The following TLE3 variants were observed in gnomAD, a reference collection of about 807,000 sequenced individuals.
TLE3 encodes the protein TLE family member 3, transcriptional corepressor.
In TLE3, 14 loss-of-function variants were observed where a neutral mutation model predicts 93.0. The observed-to-expected ratio is 0.15, with a 90% CI of 0.10 to 0.24. The LOEUF (loss-of-function observed/expected upper bound fraction) is 0.24, where lower values mean the gene tolerates loss of function less well. Among genes scored for constraint, TLE3 ranks in the 10% least tolerant of loss-of-function variants. The probability of loss-of-function intolerance (pLI) is 1.00; values close to 1 mark genes in which losing one functional copy is unlikely to be tolerated. For missense variants in TLE3, 693 were observed against 1,046.6 expected, an observed-to-expected ratio of 0.66 and a Z score of 4.66; for synonymous variants, 451 against 425.0, an observed-to-expected ratio of 1.06 and a Z score of -0.75.
Position 70,054,508 on chromosome 15 carries a change from T to G in TLE3, c.1756A>C (p.Lys586Gln). ...TCGCTGCAGCAGGAGAAGCAGACTTTGGCGTCAGGGCTAATGGCCAGGGCA... is the reference window on the plus strand; with the variant it reads ...TCGCTGCAGCAGGAGAAGCAGACTTGGGCGTCAGGGCTAATGGCCAGGGCA... ...CYALAISPDAKVCFSCCSDGN... is the reference protein window; with the variant it reads ...CYALAISPDAQVCFSCCSDGN... Residue 586 changes from lysine (K) to glutamine (Q), a missense_variant, in exon 16 of 20, where the codon AAA becomes CAA. By Grantham distance (53) the Lys-to-Gln change is moderately conservative. Transcript: ENST00000451782. The G allele has an allele frequency of 3.7e-6, 6 of 1,614,012 alleles. No individual in the cohort carries two copies. The highest frequency in any genetic ancestry group is 1.3e-5 in the African/African-American group (1 of 75,046).
chr15:70,050,302 C>T (rs749240623), intron 19 of TLE3, 98 bp from the exon 20 acceptor site: 25 of 929,946 alleles, frequency 2.7e-5, no homozygotes, highest in Non-Finnish European at 4.2e-5. Context: ...CATCTCGGTT[C>T]TCTCGGCAAC....
Position 70,096,953 on chromosome 15 carries a change from A to G in TLE3, c.-155T>C, listed in dbSNP as rs1387377937. 2.3e-6 allele frequency: 2 copies of G among 880,970 alleles called. No individual in the cohort carries two copies. The highest frequency in any genetic ancestry group is 2.9e-5 in the South Asian group (2 of 69,376). The allele number at this position is 880,970 out of a possible 1,614,324, so 54.6% of individuals were successfully genotyped here. Reference sequence around the variant, plus strand: ...CAGCTCGTTCTCGCAGCGAAATCCCAGAGTCGGGCGCCCGCCCCAAGTGGA... The same window carrying G: ...CAGCTCGTTCTCGCAGCGAAATCCCGGAGTCGGGCGCCCGCCCCAAGTGGA... On this transcript the variant is annotated 5_prime_UTR_variant, in exon 1 of 20. Coordinates refer to ENST00000451782, the MANE Select transcript of TLE3 (RefSeq NM_001105192.3).
At chr15:70,065,851 A>G in intron 7 of TLE3, 163 bp downstream of exon 7, 1 of 706,916 alleles carries the variant, frequency 1.4e-6, no homozygotes, top group Non-Finnish European at 2.3e-6. Flanking sequence ...TGGGATGCGG[A>G]TGGCATTGGC....
chr15:70,091,916 T>C (rs1183431813), intron 4 of TLE3, among the ~76,000 whole-genome samples: 3 of 152,170 alleles, frequency 2.0e-5, no homozygotes, highest in Non-Finnish European at 4.4e-5. Flanking sequence ...CTGCCACACT[T>C]CCCAAGGTGC....
intron 4 of TLE3, among the ~76,000 whole-genome samples, chr15:70,082,392 A>G (rs555258072): frequency 6.6e-6 from 1 of 152,066 alleles, no homozygotes; most frequent in South Asian, 2.1e-4. Context: ...CATCCACGCC[A>G]TGGGCTCTGA....
chr15:70,095,921 C>G (rs1402419584), intron 2 of TLE3: 1 of 637,926 alleles, frequency 1.6e-6, no homozygotes, highest in Non-Finnish European at 2.7e-6. Flanking sequence ...CGGAGTGAAC[C>G]CGCTCGCCGC....
chr15:70,051,399 T>C lies in TLE3; in HGVS notation c.2194A>G (p.Ile732Val). ...NAWRTPYGAS[I>V]FQSKESSSVL... Reference sequence around the variant, plus strand: ...CAGACGGTGGGCAGTACCTGGAATATGCTGGCTCCATAAGGCGTCCTCCAG... The same window carrying C: ...CAGACGGTGGGCAGTACCTGGAATACGCTGGCTCCATAAGGCGTCCTCCAG... The change falls in exon 19 of 20, where the codon ATA (isoleucine) becomes GTA (valine). Residue 732 changes from isoleucine (I) to valine (V), a missense_variant. Coordinates refer to ENST00000451782, the MANE Select transcript of TLE3 (RefSeq NM_001105192.3). 19 of 1,608,476 alleles carry C rather than the reference T, an allele frequency of 1.2e-5. No individual in the cohort carries two copies. The highest frequency in any genetic ancestry group is 1.6e-5 in the Non-Finnish European group (19 of 1,177,370).
At chr15:70,076,784 G>A (rs951069974) in intron 4 of TLE3, among the ~76,000 whole-genome samples, 2 of 152,130 alleles carry the variant, frequency 1.3e-5, no homozygotes, top group African/African-American at 4.8e-5. Flanking sequence ...ACAGTGGTAT[G>A]ATTTTGGCTC....
intron 16 of TLE3, 114 bp from the exon 17 acceptor site, chr15:70,053,488 C>G: frequency 8.0e-7 from 1 of 1,254,250 alleles, no homozygotes; most frequent in South Asian, 1.6e-5. Context: ...GAAGAGTGCA[C>G]TATGCGCATG....
intron 4 of TLE3, among the ~76,000 whole-genome samples, chr15:70,076,677 A>G (rs115931503): frequency 1.1e-4 from 16 of 151,896 alleles, no homozygotes; most frequent in African/African-American, 3.6e-4. Flanking sequence ...TCCCTCCCCC[A>G]CATATATGCT....
chr15:70,049,823 GC>G lies in TLE3; in HGVS notation c.*273del, dbSNP rs2055363390. 2.8e-6 allele frequency: 1 copy of G among 351,090 alleles called. No homozygotes were observed. The highest frequency in any genetic ancestry group is 2.0e-5 in the African/African-American group (1 of 48,864). The allele number at this position is 351,090 out of a possible 1,614,324, so 21.7% of individuals were successfully genotyped here. ...GTCTGTGGGGGAACCGGAGCCATAA[GC>G]CTCCAATAAATCTATTTGTAGCAAC... is the stretch of plus-strand genomic sequence containing the variant. On this transcript the variant is annotated 3_prime_UTR_variant, in exon 20 of 20. Coordinates refer to ENST00000451782, the MANE Select transcript of TLE3 (RefSeq NM_001105192.3).
chr15:70,086,545 A>C (rs2058045028), intron 4 of TLE3, among the ~76,000 whole-genome samples: 1 of 152,208 alleles, frequency 6.6e-6, no homozygotes, highest in East Asian at 1.9e-4. Flanking sequence ...ATTCAGTGCT[A>C]AAACACTAGT....
At position 70,048,629 on chromosome 15, in the gene TLE3, A is replaced by G. The variant is rs1276234565; in HGVS notation, c.*1468T>C. The G allele has an allele frequency of 1.4e-5, 2 of 146,180 alleles. No individual in the cohort carries two copies. The highest frequency in any genetic ancestry group is 6.8e-5 in the Admixed American group (1 of 14,668). The allele number at this position is 146,180 out of a possible 1,614,324, so 9.1% of individuals were successfully genotyped here. ...GCCTTTAGCTTTTCTTTAAAAGGAG[A>G]AAAAAAAAAAGACCAAAAGGAAAAA... On this transcript the variant is annotated 3_prime_UTR_variant, in exon 20 of 20. Transcript: ENST00000451782.
chr15:70,096,397 G>T, intron 1 of TLE3, 136 bp from the exon 2 acceptor site: 1 of 1,437,610 alleles, frequency 7.0e-7, no homozygotes, highest in Non-Finnish European at 9.2e-7. Flanking sequence ...AAGTTTCTCA[G>T]CTCTCCGACG....
Position 70,058,685 on chromosome 15 carries a change from G to A in TLE3, c.896C>T (p.Ser299Phe). Residue 299 changes from serine (S) to phenylalanine (F), a missense_variant, in exon 11 of 20, where the codon TCC (serine) becomes TTC (phenylalanine). Physicochemically the swap from Ser to Phe is radical, Grantham distance 155. Transcript: ENST00000451782. The surrounding 1 kb of genome is among the most constrained non-coding windows in gnomAD (Gnocchi z 4.1). ...SVASSSSTPS[S>F]KTKDLGHNDK... ...TACATGACCAAGGTCTTTGGTCTTG[G>A]AGGAAGGTGTGCTACTGGAAGAGGC... 2 of 1,605,520 alleles carry A rather than the reference G, an allele frequency of 1.2e-6. No homozygotes were observed. Among genetic ancestry groups the A allele is most frequent in the Non-Finnish European group, 1.7e-6 (2 of 1,175,976 alleles).
In TLE3 at chr15:70,058,414, A is replaced by C. The variant is rs1595882214; in HGVS notation, c.919-123T>G. On this transcript the variant is annotated intron_variant, in intron 11 of 19. Transcript: ENST00000451782. The surrounding 1 kb of genome is among the most constrained non-coding windows in gnomAD (Gnocchi z 4.1). ...CAGACCCTTATGAAGCTTCTGCCGAACAGCCTCTCAATCCTTGCCCAACCT... is the reference window on the plus strand; with the variant it reads ...CAGACCCTTATGAAGCTTCTGCCGACCAGCCTCTCAATCCTTGCCCAACCT... 1 of 1,466,448 alleles carries C rather than the reference A, an allele frequency of 6.8e-7. No individual in the cohort carries two copies. 90.8% of individuals were successfully genotyped at this position (1,466,448 alleles called of 1,614,324 possible). A position where few individuals can be genotyped will look rare whatever the true frequency, so the allele number is the denominator to read the frequency against.
chr15:70,054,403 GGAC>G, intron 16 of TLE3, 32 bp downstream of exon 16: 1 of 1,591,946 alleles, frequency 6.3e-7, no homozygotes, highest in Non-Finnish European at 8.6e-7. Flanking sequence ...AACTTCCCCA[GGAC>G]GAGGCACTAA....
At chr15:70,091,822 T>C (rs1343322162) in intron 4 of TLE3, among the ~76,000 whole-genome samples, 2 of 152,154 alleles carry the variant, frequency 1.3e-5, no homozygotes, top group Non-Finnish European at 2.9e-5. Flanking sequence ...GCATTTCCCA[T>C]AGAGCCAGCA....
chr15:70,096,364 C>T (rs1191712159), intron 1 of TLE3, 103 bp from the exon 2 acceptor site: 5 of 1,507,456 alleles, frequency 3.3e-6, no homozygotes, highest in East Asian at 2.5e-5. Flanking sequence ...AAGAGGCCAC[C>T]CTCAGCCCAG....
Sources: allele counts gnomAD v4.1 joint callset (sites outside exome capture counted in the v4.1 genomes callset), GRCh38; gene constraint gnomAD v4.1.1; non-coding constraint Gnocchi (gnomAD v3.1); transcripts MANE v1.5; gene names NCBI Gene and HGNC (gene_info 2026-07-23, HGNC 2026-07-21).